Variants in PLCB1 observed in about 807,000 individuals in gnomAD.
The protein encoded by PLCB1 is 1-phosphatidylinositol 4,5-bisphosphate phosphodiesterase beta-1.
PLCB1 carries 46 observed loss-of-function variants against 161.8 expected under a neutral mutation model. The observed-to-expected ratio is 0.28, with a 90% confidence interval of 0.22 to 0.36. PLCB1 has a LOEUF of 0.36. PLCB1 is among the 10% of genes least tolerant of loss of function. The pLI, the probability that PLCB1 is intolerant of heterozygous loss-of-function variation, is 1.00. For missense variants in PLCB1, 1,016 were observed against 1,472.5 expected (o/e 0.69, Z 5.07); for synonymous variants, 517 against 503.7 (o/e 1.03, Z -0.35).
chr20:8,822,131 G>A (rs80157795), intron 31 of PLCB1, among the ~76,000 whole-genome samples: 16 of 151,714 alleles, frequency 1.1e-4, no homozygotes, highest in Non-Finnish European at 2.2e-4. Context: ...CACAGGGGCC[G>A]CGTCTCTGTT....
Position 8,882,673 on chromosome 20 carries a change from G to C in PLCB1, c.*824G>C, listed in dbSNP as rs1195508667. The stretch of plus-strand genomic sequence containing the variant: ...ATCAAATAACTACAAATGATCTGTT[G>C]AATAAAAATAGTTGAGCTGATATAT... On this transcript the variant is annotated 3_prime_UTR_variant, in exon 32 of 32. Coordinates refer to ENST00000338037, the MANE Select transcript of PLCB1 (RefSeq NM_015192.4). 6.6e-6 allele frequency: 1 copy of C among 152,324 alleles called. No homozygotes were observed. The highest frequency in any genetic ancestry group is 1.5e-5 in the Non-Finnish European group (1 of 68,010). 9.4% of individuals were successfully genotyped at this position (152,324 alleles called of 1,614,324 possible).
chr20:8,496,912 C>T (rs1486341718), intron 3 of PLCB1, among the ~76,000 whole-genome samples: 1 of 152,160 alleles, frequency 6.6e-6, no homozygotes, highest in Admixed American at 6.5e-5. Context: ...ATAATATCCT[C>T]ACTTTACAGG....
At chr20:8,439,334 C>T (rs538933319) in intron 3 of PLCB1, among the ~76,000 whole-genome samples, 118 of 152,248 alleles carry the variant, frequency 7.8e-4, no homozygotes, top group Non-Finnish European at 1.3e-3. Context: ...TTTATTGGCT[C>T]ATTTCAAACA....
chr20:8,588,197 C>T (rs529802733), intron 3 of PLCB1, among the ~76,000 whole-genome samples: 1 of 152,308 alleles, frequency 6.6e-6, no homozygotes, highest in Admixed American at 6.5e-5. Flanking sequence ...GCTTCTTACA[C>T]AGTACCTGGT....
At chr20:8,593,952 A>G (rs1485670500) in intron 3 of PLCB1, among the ~76,000 whole-genome samples, 1 of 152,146 alleles carries the variant, frequency 6.6e-6, no homozygotes, top group Non-Finnish European at 1.5e-5. Context: ...TGGTACAAAC[A>G]TAGCTCACTG....
intron 2 of PLCB1, among the ~76,000 whole-genome samples, chr20:8,264,683 C>T (rs1274488726): frequency 6.6e-6 from 1 of 151,956 alleles, no homozygotes; most frequent in Non-Finnish European, 1.5e-5. Flanking sequence ...TATAGGCAGT[C>T]TCTCATGGAC....
intron 4 of PLCB1, among the ~76,000 whole-genome samples, chr20:8,632,053 T>G (rs75227619): frequency 0.2 from 27,788 of 137,456 alleles, 3,364 homozygotes; most frequent in Admixed American, 0.3. Flanking sequence ...TTTTTTTTTT[T>G]TTTTTTTTTT....
intron 23 of PLCB1, among the ~76,000 whole-genome samples, chr20:8,755,787 TAGTC>T (rs1393851575): frequency 2.0e-5 from 3 of 152,310 alleles, no homozygotes; most frequent in South Asian, 2.1e-4. Flanking sequence ...ATTATGTGCT[TAGTC>T]AGGGAGGGAA....
chr20:8,526,966 T>A (rs1183807862), intron 3 of PLCB1, among the ~76,000 whole-genome samples: 1 of 152,074 alleles, frequency 6.6e-6, no homozygotes, highest in African/African-American at 2.4e-5. Context: ...AGTTCAAGCA[T>A]CCTCTGATGT....
At chr20:8,448,195 A>G (rs1347888562) in intron 3 of PLCB1, among the ~76,000 whole-genome samples, 1 of 152,216 alleles carries the variant, frequency 6.6e-6, no homozygotes, top group Non-Finnish European at 1.5e-5. Context: ...CTTGAACAGA[A>G]TGAAAAATGT....
At chr20:8,777,576 A>G (rs111342353) in intron 27 of PLCB1, among the ~76,000 whole-genome samples, 166 of 151,978 alleles carry the variant, frequency 1.1e-3, no homozygotes, top group African/African-American at 3.9e-3. Context: ...AAAATTAGCC[A>G]GGCATGGTGG....
Position 8,774,592 on chromosome 20 carries a change from C to T in PLCB1, c.2984C>T (p.Ala995Val), listed in dbSNP as rs749355982. ...TCATCAACGATTGAGCAAGACCTCG[C>T]TGCTCTGGATGCTGAAATGACCCAA... is the stretch of plus-strand genomic sequence containing the variant. ...HGSSTIEQDLAALDAEMTQKL... is the reference protein window; with the variant it reads ...HGSSTIEQDLVALDAEMTQKL... Residue 995 changes from alanine (A) to valine (V), a missense_variant, in exon 27 of 32, where the codon GCT becomes GTT. By Grantham distance (64) the Ala-to-Val change is moderately conservative. Coordinates refer to ENST00000338037, the MANE Select transcript of PLCB1 (RefSeq NM_015192.4). 6.2e-7 allele frequency: 1 copy of T among 1,613,902 alleles called. No individual in the cohort carries two copies. The highest frequency in any genetic ancestry group is 8.5e-7 in the Non-Finnish European group (1 of 1,179,834).
chr20:8,545,637 TA>T, intron 3 of PLCB1, among the ~76,000 whole-genome samples: 1 of 152,186 alleles, frequency 6.6e-6, no homozygotes, highest in Non-Finnish European at 1.5e-5. Flanking sequence ...GGCTGGACCT[TA>T]AAACCATCTG....
intron 3 of PLCB1, among the ~76,000 whole-genome samples, chr20:8,499,807 A>G (rs1169746038): frequency 6.6e-6 from 1 of 152,206 alleles, no homozygotes; most frequent in Non-Finnish European, 1.5e-5. Context: ...ATTTTTCATT[A>G]ATTCATTCAA....
chr20:8,877,817 G>A (rs3848836), intron 31 of PLCB1, among the ~76,000 whole-genome samples: 1 of 152,016 alleles, frequency 6.6e-6, no homozygotes, highest in East Asian at 1.9e-4. Flanking sequence ...TTGTATGGCT[G>A]TTTAAAAAGA....
chr20:8,722,304 A>G, intron 14 of PLCB1, 50 bp from the exon 15 acceptor site: 1 of 1,368,202 alleles, frequency 7.3e-7, no homozygotes, highest in Non-Finnish European at 1.0e-6. Context: ...AATGCTGTAA[A>G]GCTAAATGTT....
intron 15 of PLCB1, among the ~76,000 whole-genome samples, chr20:8,723,143 C>G (rs1979740381): frequency 6.6e-6 from 1 of 152,192 alleles, no homozygotes; most frequent in South Asian, 2.1e-4. Flanking sequence ...GCTGCTCTTA[C>G]TTGATGTCCT....
At chr20:8,504,356 C>A (rs967849261) in intron 3 of PLCB1, among the ~76,000 whole-genome samples, 2 of 152,188 alleles carry the variant, frequency 1.3e-5, no homozygotes, top group Non-Finnish European at 2.9e-5. Context: ...AACATGGCCA[C>A]ACCTAACTTC....
chr20:8,168,152 A>G (rs1038989554), intron 2 of PLCB1, among the ~76,000 whole-genome samples: 2 of 152,218 alleles, frequency 1.3e-5, no homozygotes, highest in African/African-American at 4.8e-5. Flanking sequence ...CACATTTTCT[A>G]TGCCAAAGCA....
Sources: allele counts gnomAD v4.1 joint callset (sites outside exome capture counted in the v4.1 genomes callset), GRCh38; gene constraint gnomAD v4.1.1; transcripts MANE v1.5; gene names NCBI Gene and HGNC (gene_info 2026-07-23, HGNC 2026-07-21).